The following CHRM2 variants were observed in gnomAD, a reference collection of about 807,000 sequenced individuals.
The protein encoded by CHRM2 is muscarinic acetylcholine receptor M2.
CHRM2 carries 8 observed loss-of-function variants against 25.0 expected under a neutral mutation model. The observed-to-expected ratio is 0.32, with a 90% CI of 0.19 to 0.58. The LOEUF is 0.58. Among genes scored for constraint, CHRM2 ranks in the 20% least tolerant of loss-of-function variants. CHRM2 has a pLI of 0.88. For missense variants in CHRM2, 440 were observed against 567.1 expected, an observed-to-expected ratio of 0.78 and a Z score of 2.28; for synonymous variants, 202 against 205.7, an observed-to-expected ratio of 0.98 and a Z score of 0.15.
chr7:136,884,742 G>A (rs1796396888), intron 2 of CHRM2, among the ~76,000 whole-genome samples: 1 of 152,146 alleles, frequency 6.6e-6, no homozygotes, highest in African/African-American at 2.4e-5. Flanking sequence ...ACTGTGAGAG[G>A]ACAGGGAAGT....
intron 2 of CHRM2, among the ~76,000 whole-genome samples, chr7:136,883,163 A>G (rs915778894): frequency 1.3e-5 from 2 of 152,096 alleles, no homozygotes; most frequent in African/African-American, 2.4e-5. Context: ...CTTAACAGTT[A>G]CAGTGGACCT....
At chr7:136,919,777 G>A (rs1400591122) in intron 2 of CHRM2, among the ~76,000 whole-genome samples, 1 of 151,982 alleles carries the variant, frequency 6.6e-6, no homozygotes, top group African/African-American at 2.4e-5. Flanking sequence ...GATTCTATTT[G>A]TTTCACATCC....
chr7:136,898,661 C>T (rs1233960484), intron 2 of CHRM2: 1 of 151,792 alleles, frequency 6.6e-6, no homozygotes, highest in African/African-American at 2.4e-5. Context: ...AAAGGACAAG[C>T]CATATTCTGG....
intron 3 of CHRM2, among the ~76,000 whole-genome samples, chr7:137,004,149 C>T (rs987154939): frequency 6.6e-6 from 1 of 152,130 alleles, no homozygotes; most frequent in Non-Finnish European, 1.5e-5. Flanking sequence ...AATCCATTTG[C>T]TGTCTACTGG....
At chr7:136,885,381 T>C (rs551703065) in intron 2 of CHRM2, among the ~76,000 whole-genome samples, 3 of 152,356 alleles carry the variant, frequency 2.0e-5, no homozygotes, top group Non-Finnish European at 2.9e-5. Context: ...AGGGGTATCA[T>C]CTGTATAGCC....
At chr7:136,949,781 C>T (rs957441882) in intron 2 of CHRM2, among the ~76,000 whole-genome samples, 12 of 151,188 alleles carry the variant, frequency 7.9e-5, no homozygotes, top group African/African-American at 2.7e-4. Context: ...GCTGTGTTGC[C>T]CAGGCTGGAG....
chr7:136,926,111 G>A (rs1012977318), intron 2 of CHRM2, among the ~76,000 whole-genome samples: 4 of 152,110 alleles, frequency 2.6e-5, no homozygotes, highest in African/African-American at 7.2e-5. Context: ...GGTGGTGCAT[G>A]CCTACAGTCC....
intron 2 of CHRM2, among the ~76,000 whole-genome samples, chr7:136,882,357 CTCCTT>C (rs1214529881): frequency 1.3e-5 from 2 of 151,772 alleles, no homozygotes; most frequent in Admixed American, 1.3e-4. Context: ...CTTGTATTCC[CTCCTT>C]TCCTCCTCCT....
intron 3 of CHRM2, among the ~76,000 whole-genome samples, chr7:136,994,942 G>C (rs1803492749): frequency 6.6e-6 from 1 of 151,994 alleles, no homozygotes; most frequent in South Asian, 2.1e-4. Context: ...TAGCCACCAG[G>C]TTATTACAAC....
At chr7:136,977,247 CATG>C (rs1298096214) in intron 2 of CHRM2, among the ~76,000 whole-genome samples, 8 of 152,262 alleles carry the variant, frequency 5.3e-5, no homozygotes, top group African/African-American at 1.9e-4. Context: ...TTAATGGTTT[CATG>C]ATATCTATTC....
intron 2 of CHRM2, among the ~76,000 whole-genome samples, chr7:136,911,921 C>A (rs1271688251): frequency 6.6e-6 from 1 of 151,780 alleles, no homozygotes; most frequent in East Asian, 1.9e-4. Flanking sequence ...AAAATTCTTC[C>A]ATTTTTTACA....
At chr7:136,906,435 T>G (rs901417325) in intron 2 of CHRM2, among the ~76,000 whole-genome samples, 8 of 151,580 alleles carry the variant, frequency 5.3e-5, no homozygotes, top group Non-Finnish European at 1.0e-4. Flanking sequence ...TGTGTATATG[T>G]ATACATTTGG....
At chr7:136,946,691 G>A (rs1393014815) in intron 2 of CHRM2, among the ~76,000 whole-genome samples, 1 of 152,122 alleles carries the variant, frequency 6.6e-6, no homozygotes, top group Non-Finnish European at 1.5e-5. Context: ...CCTACAAGTA[G>A]AATAATGCTA....
At chr7:136,976,823 G>C (rs1430119925) in intron 2 of CHRM2, among the ~76,000 whole-genome samples, 1 of 152,138 alleles carries the variant, frequency 6.6e-6, no homozygotes, top group Admixed American at 6.6e-5. Context: ...CTCACCACTA[G>C]TCCTTAGTCA....
intron 2 of CHRM2, chr7:136,938,682 AG>A: frequency 1.3e-6 from 1 of 778,290 alleles, no homozygotes; most frequent in Non-Finnish European, 2.3e-6. Context: ...CTGAAGGCCC[AG>A]GGGCCAGAGG....
intron 2 of CHRM2, among the ~76,000 whole-genome samples, chr7:136,960,851 C>T (rs1801026936): frequency 6.6e-6 from 1 of 152,150 alleles, no homozygotes; most frequent in Non-Finnish European, 1.5e-5. Context: ...TTTGGCAGGG[C>T]ACAGTAGCTC....
rs1438503692 is a variant in CHRM2 at position 136,976,342 on chromosome 7, CATT to C, written c.-124-15840_-124-15838del. Among the ~76,000 whole-genome samples the C allele has an allele frequency of 5.9e-5, 9 of 152,096 alleles. No homozygotes were observed. The East Asian group carries it at 9.7e-4, about 16-fold the overall frequency. On this transcript the variant is annotated intron_variant, in intron 2 of 3. Coordinates refer to ENST00000680005, the MANE Select transcript of CHRM2 (RefSeq NM_001006630.2). The stretch of plus-strand genomic sequence containing the variant: ...CTGATTTGTGGTGATAAAATATTAA[CATT>C]ATTAATACTAATGAAATTAATATTA...
Position 136,873,299 on chromosome 7 carries a change from G to T in CHRM2, c.-125+3881G>T, listed in dbSNP as rs116291620. On this transcript the variant is annotated intron_variant, in intron 2 of 3. Coordinates refer to ENST00000680005, the MANE Select transcript of CHRM2 (RefSeq NM_001006630.2). ...TCACCTGGCCTATGTGGTGGAGGTG[G>T]TATGTGGGGAAAGAGATGCAAGTCA... Among the ~76,000 whole-genome samples the T allele has an allele frequency of 6.8e-3, 1,031 of 152,294 alleles. 12 individuals carry two copies. Among genetic ancestry groups the T allele is most frequent in the African/African-American group, 0.023 (974 of 41,560 alleles).
chr7:136,937,152 G>A (rs1443122933), intron 2 of CHRM2, among the ~76,000 whole-genome samples: 1 of 152,110 alleles, frequency 6.6e-6, no homozygotes, highest in Non-Finnish European at 1.5e-5. Context: ...TAATTTTTCT[G>A]ATTTACTCAG....
Sources: allele counts gnomAD v4.1 joint callset (sites outside exome capture counted in the v4.1 genomes callset), GRCh38; gene constraint gnomAD v4.1.1; transcripts MANE v1.5; gene names NCBI Gene and HGNC (gene_info 2026-07-23, HGNC 2026-07-21).